Variants in TTF1 observed in about 807,000 individuals in gnomAD.
TTF1 encodes transcription termination factor, RNA polymerase I.
In TTF1, 64 loss-of-function variants were observed where a neutral mutation model predicts 80.2. The ratio of observed to expected loss-of-function variants is 0.80; its 90% CI spans 0.65 to 0.98. TTF1 has a LOEUF of 0.98. TTF1 is among the 50% of genes least tolerant of loss of function. TTF1 has a pLI of 0.00. For missense variants in TTF1, 1,023 were observed against 1,086.2 expected (o/e 0.94, Z 0.82); for synonymous variants, 372 against 382.7 (o/e 0.97, Z 0.33).
At chr9:132,381,851 G>A (rs528954727) in intron 9 of TTF1, among the ~76,000 whole-genome samples, 3 of 152,248 alleles carry the variant, frequency 2.0e-5, no homozygotes, top group African/African-American at 4.8e-5. Context: ...TAATGGTTCC[G>A]CAGAATATTG....
chr9:132,380,468 C>A (rs561830566), intron 9 of TTF1, among the ~76,000 whole-genome samples: 1 of 152,192 alleles, frequency 6.6e-6, no homozygotes, highest in Non-Finnish European at 1.5e-5. Context: ...CAACTGCCCA[C>A]AGACTTTAAG....
At position 132,377,248 on chromosome 9, in the gene TTF1, T is replaced by G. The variant is rs1589812960; in HGVS notation, c.2465-1080A>C. On this transcript the variant is annotated intron_variant, in intron 10 of 10. Coordinates refer to ENST00000334270, the MANE Select transcript of TTF1 (RefSeq NM_007344.4). ...GTGCATGTGGTGTGAGTGCATGTGGTGTGTGTGAGTGCATGCGTGTGGTGT... is the reference window on the plus strand; with the variant it reads ...GTGCATGTGGTGTGAGTGCATGTGGGGTGTGTGAGTGCATGCGTGTGGTGT... 3.7e-5 allele frequency among the ~76,000 whole-genome samples: 4 copies of G among 108,876 alleles called. No individual in the cohort carries two copies. In the South Asian group the frequency reaches 9.1e-4, roughly 25 times the overall value. 71.4% of individuals were successfully genotyped at this position (108,876 alleles called of 152,430 possible). A position where few individuals can be genotyped will look rare whatever the true frequency, so the allele number is the denominator to read the frequency against.
chr9:132,396,272 G>A (rs1166212157), intron 5 of TTF1, among the ~76,000 whole-genome samples, 161 bp downstream of exon 5: 2 of 152,176 alleles, frequency 1.3e-5, no homozygotes, highest in Admixed American at 6.5e-5. Flanking sequence ...GGATGGAAAA[G>A]GCCATGAAGA....
In TTF1 at chr9:132,398,341, G is replaced by C; in HGVS notation, c.1592-15C>G. 1.3e-6 allele frequency: 2 copies of C among 1,591,204 alleles called. No individual in the cohort carries two copies. The highest frequency in any genetic ancestry group is 8.5e-7 in the Non-Finnish European group (1 of 1,173,954). ...AATAGCGACACCTAGAATTGGGAAGGAACAGGGAGAAAGTGTGTATTGTTA... is the reference window on the plus strand; with the variant it reads ...AATAGCGACACCTAGAATTGGGAAGCAACAGGGAGAAAGTGTGTATTGTTA... On this transcript the variant is annotated splice_polypyrimidine_tract_variant and intron_variant, in intron 3 of 10. Coordinates refer to ENST00000334270, the MANE Select transcript of TTF1 (RefSeq NM_007344.4).
intron 10 of TTF1, among the ~76,000 whole-genome samples, chr9:132,376,917 T>C (rs1430005011): frequency 2.0e-5 from 3 of 152,094 alleles, no homozygotes; most frequent in African/African-American, 7.2e-5. Flanking sequence ...CAGGATGGTC[T>C]TGAACTCCTC....
intron 1 of TTF1, among the ~76,000 whole-genome samples, chr9:132,403,529 C>T (rs1029253503): frequency 1.3e-5 from 2 of 152,128 alleles, no homozygotes; most frequent in Admixed American, 6.6e-5. Flanking sequence ...CTCCTGCCAT[C>T]CTTCAGAGCT....
chr9:132,388,266 G>A (rs773213675), intron 7 of TTF1, 38 bp from the exon 8 acceptor site: 1 of 1,455,716 alleles, frequency 6.9e-7, no homozygotes, highest in Non-Finnish European at 9.5e-7. Context: ...TTACTTTCAA[G>A]GGTAGAGTTT....
chr9:132,378,121 A>ATGCATGTGGTGTGTGTGAG (rs1205743595), intron 10 of TTF1, among the ~76,000 whole-genome samples: 5 of 56,980 alleles, frequency 8.8e-5, no homozygotes, highest in African/African-American at 3.1e-4. Context: ...GTGTGAGTGC[A>ATGCATGTGGTGTGTGTGAG]TGCATGTGGT....
chr9:132,393,279 C>CCG (rs1403305639), intron 5 of TTF1, among the ~76,000 whole-genome samples: 2 of 151,558 alleles, frequency 1.3e-5, no homozygotes, highest in Non-Finnish European at 2.9e-5. Context: ...GCCCCCCCCG[C>CCG]AAACTGGCCA....
intron 9 of TTF1, among the ~76,000 whole-genome samples, chr9:132,383,827 C>T (rs1849414232): frequency 6.6e-6 from 1 of 151,946 alleles, no homozygotes; most frequent in African/African-American, 2.4e-5. Context: ...TGTATCTTGG[C>T]GCTTTCTTTG....
chr9:132,381,481 C>T (rs148871171), intron 9 of TTF1, among the ~76,000 whole-genome samples: 221 of 152,308 alleles, frequency 1.5e-3, no homozygotes, highest in African/African-American at 4.5e-3. Flanking sequence ...TGAATCACCA[C>T]GCCCGGCCGA....
At chr9:132,377,196 T>C (rs2131614333) in intron 10 of TTF1, among the ~76,000 whole-genome samples, 1 of 119,694 alleles carries the variant, frequency 8.4e-6, no homozygotes, top group Middle Eastern at 6.6e-3. Context: ...TGCATGCATG[T>C]GGTGTGAGTG....
chr9:132,387,619 G>A (rs908382117), intron 8 of TTF1, among the ~76,000 whole-genome samples: 1 of 152,100 alleles, frequency 6.6e-6, no homozygotes. Context: ...CAGTCGACAT[G>A]GGCCAGGTCC....
chr9:132,384,252 T>C lies in TTF1; in HGVS notation c.2378+2304A>G, dbSNP rs1849420508. ...TAATTGGGCATTGCTAATAAAGCAG[T>C]ACTTAGAAGAAAACATATGGCCTTA... On this transcript the variant is annotated intron_variant, in intron 9 of 10. Coordinates refer to ENST00000334270, the MANE Select transcript of TTF1 (RefSeq NM_007344.4). The surrounding 1 kb of genome is among the most constrained non-coding windows in gnomAD (Gnocchi z 4.1). Among the ~76,000 whole-genome samples, 1 of 152,190 alleles carries C rather than the reference T, an allele frequency of 6.6e-6. No homozygotes were observed.
chr9:132,402,942 G>A (rs755788831), intron 1 of TTF1, 114 bp from the exon 2 acceptor site: 35 of 1,023,576 alleles, frequency 3.4e-5, no homozygotes, highest in South Asian at 1.8e-4. Context: ...TGCAAGCTCC[G>A]CCTCCTGGGC....
At chr9:132,404,933 T>G (rs985382039) in intron 1 of TTF1, among the ~76,000 whole-genome samples, 1 of 152,152 alleles carries the variant, frequency 6.6e-6, no homozygotes, top group Non-Finnish European at 1.5e-5. Flanking sequence ...TCGCCCAGGC[T>G]GGAGTGCAGT....
At chr9:132,392,004 T>G (rs912785658) in intron 6 of TTF1, 72 bp downstream of exon 6, 17 of 1,596,082 alleles carry the variant, frequency 1.1e-5, no homozygotes, top group Non-Finnish European at 1.5e-5. Flanking sequence ...GGGCATTGGA[T>G]CGGTTATGGC....
chr9:132,377,707 T>TGAGTGCATGTG (rs1849242463), intron 10 of TTF1, among the ~76,000 whole-genome samples: 3 of 71,404 alleles, frequency 4.2e-5, no homozygotes, highest in African/African-American at 1.7e-4. Flanking sequence ...GCATGTGGTG[T>TGAGTGCATGTG]GTGTGAGTGC....
chr9:132,384,606 T>C lies in TTF1; in HGVS notation c.2378+1950A>G, dbSNP rs766602698. 3.3e-5 allele frequency among the ~76,000 whole-genome samples: 5 copies of C among 152,194 alleles called. No individual in the cohort carries two copies. The highest frequency in any genetic ancestry group is 7.3e-5 in the Non-Finnish European group (5 of 68,034). On this transcript the variant is annotated intron_variant, in intron 9 of 10. Coordinates refer to ENST00000334270, the MANE Select transcript of TTF1 (RefSeq NM_007344.4). This position sits in a 1 kb window ranked among gnomAD's most constrained non-coding sequence, Gnocchi z 4.1. ...GGTTTCCTGTAGGGCTACGCGTGGC[T>C]GGTGAGTGGTAAGGGGACACTTTTC...
Sources: allele counts gnomAD v4.1 joint callset (sites outside exome capture counted in the v4.1 genomes callset), GRCh38; gene constraint gnomAD v4.1.1; non-coding constraint Gnocchi (gnomAD v3.1); transcripts MANE v1.5; gene names NCBI Gene and HGNC (gene_info 2026-07-23, HGNC 2026-07-21).